BCKDHB: variants seen among roughly 807,000 people sequenced by gnomAD.
The protein encoded by BCKDHB is 2-oxoisovalerate dehydrogenase subunit beta, mitochondrial.
BCKDHB carries 41 observed loss-of-function variants against 48.5 expected under a neutral mutation model. The ratio of observed to expected loss-of-function variants is 0.85; its 90% CI spans 0.66 to 1.10. The LOEUF (loss-of-function observed/expected upper bound fraction) is 1.10, where lower values mean the gene tolerates loss of function less well. Ranked by LOEUF, BCKDHB falls within the 50% of genes least tolerant of loss-of-function variation. The pLI, the probability that BCKDHB is intolerant of heterozygous loss-of-function variation, is 0.00. For synonymous variants in BCKDHB, 201 were observed against 174.8 expected (o/e 1.15, Z -1.18); for missense variants, 496 against 494.2 (o/e 1.00, Z -0.03).
At chr6:80,107,558 CATATAT>C (rs71727964) in intron 1 of BCKDHB, among the ~76,000 whole-genome samples, 4 of 137,288 alleles carry the variant, frequency 2.9e-5, no homozygotes, top group Admixed American at 2.8e-4. Context: ...CATATATATG[CATATAT>C]ATATGCATAT....
chr6:80,450,414 G>A, the BCKDHB span, among the ~76,000 whole-genome samples: 5 of 152,186 alleles, frequency 3.3e-5, no homozygotes, highest in South Asian at 2.1e-4. Flanking sequence ...AGACAAGATC[G>A]TGGATCCTAG....
chr6:80,137,305 T>C (rs1305024158), intron 3 of BCKDHB, among the ~76,000 whole-genome samples: 1 of 152,224 alleles, frequency 6.6e-6, no homozygotes, highest in Non-Finnish European at 1.5e-5. Context: ...TTTATAACAC[T>C]GACCTCTCAG....
At chr6:80,419,720 T>C in the BCKDHB span, among the ~76,000 whole-genome samples, 1 of 152,154 alleles carries the variant, frequency 6.6e-6, no homozygotes, top group Non-Finnish European at 1.5e-5. Context: ...ATAGGATTGC[T>C]CCTTACCAGT....
the BCKDHB span, among the ~76,000 whole-genome samples, chr6:80,365,914 A>G: frequency 2.6e-5 from 4 of 152,314 alleles, no homozygotes; most frequent in African/African-American, 9.6e-5. Context: ...TTAGTCCTGA[A>G]TAGGAGGCTA....
chr6:80,231,835 C>T (rs1329296019), intron 8 of BCKDHB, among the ~76,000 whole-genome samples: 5 of 152,054 alleles, frequency 3.3e-5, no homozygotes, highest in African/African-American at 4.8e-5. Flanking sequence ...CCTGGTGGCA[C>T]GCACCTGTAG....
At chr6:80,360,349 C>T in the BCKDHB span, among the ~76,000 whole-genome samples, 2 of 152,152 alleles carry the variant, frequency 1.3e-5, no homozygotes, top group African/African-American at 2.4e-5. Context: ...TGTCATTATT[C>T]GTTGACATCA....
chr6:80,174,785 G>A (rs1159736541), intron 6 of BCKDHB, among the ~76,000 whole-genome samples: 1 of 152,138 alleles, frequency 6.6e-6, no homozygotes, highest in Non-Finnish European at 1.5e-5. Flanking sequence ...CTCACTTTAG[G>A]TAGAGACTTT....
intron 8 of BCKDHB, among the ~76,000 whole-genome samples, chr6:80,215,736 TTA>T (rs1489394391): frequency 1.3e-5 from 2 of 152,084 alleles, no homozygotes; most frequent in Admixed American, 6.5e-5. Flanking sequence ...TGACCTAATG[TTA>T]TATATATATA....
At chr6:80,205,461 G>A (rs964532239) in intron 8 of BCKDHB, among the ~76,000 whole-genome samples, 1 of 151,950 alleles carries the variant, frequency 6.6e-6, no homozygotes, top group Non-Finnish European at 1.5e-5. Flanking sequence ...AAAACGATTC[G>A]TTGAACACAC....
At chr6:80,370,439 G>T in the BCKDHB span, among the ~76,000 whole-genome samples, 1 of 152,052 alleles carries the variant, frequency 6.6e-6, no homozygotes, top group Non-Finnish European at 1.5e-5. Flanking sequence ...GGAACAGGTG[G>T]TCTTTTGTTA....
chr6:80,127,743 G>A (rs1395545046), intron 2 of BCKDHB, 119 bp downstream of exon 2: 12 of 940,798 alleles, frequency 1.3e-5, no homozygotes, highest in Non-Finnish European at 8.8e-6. Flanking sequence ...ATTTTCAAAG[G>A]TATGATTGGG....
chr6:80,270,598 A>G (rs1367445058), intron 8 of BCKDHB, among the ~76,000 whole-genome samples: 2 of 152,180 alleles, frequency 1.3e-5, no homozygotes, highest in African/African-American at 4.8e-5. Flanking sequence ...CTGTCAGCCT[A>G]ACTCCTCATC....
chr6:80,141,633 T>C (rs1326371087), intron 3 of BCKDHB, among the ~76,000 whole-genome samples: 1 of 152,112 alleles, frequency 6.6e-6, no homozygotes, highest in Non-Finnish European at 1.5e-5. Flanking sequence ...CAATAGGGGC[T>C]TGGAAGATAG....
intron 9 of BCKDHB, among the ~76,000 whole-genome samples, chr6:80,315,239 A>C (rs986841710): frequency 6.6e-6 from 1 of 152,092 alleles, no homozygotes; most frequent in Non-Finnish European, 1.5e-5. Context: ...CGCTCTGTTG[A>C]GACTCCACAG....
downstream of BCKDHB, among the ~76,000 whole-genome samples, chr6:80,348,733 GC>G (rs909248600): frequency 6.6e-6 from 1 of 152,274 alleles, no homozygotes; most frequent in African/African-American, 2.4e-5. Context: ...GAAATCTTTG[GC>G]CTGATGGATG....
At chr6:80,316,499 T>C (rs1768451869) in intron 9 of BCKDHB, among the ~76,000 whole-genome samples, 1 of 152,212 alleles carries the variant, frequency 6.6e-6, no homozygotes, top group South Asian at 2.1e-4. Context: ...GTTCATATCA[T>C]ATGACTATTT....
chr6:80,313,198 T>C (rs981460242), intron 9 of BCKDHB, among the ~76,000 whole-genome samples: 17 of 152,230 alleles, frequency 1.1e-4, no homozygotes, highest in African/African-American at 3.9e-4. Context: ...CTTCTGTATT[T>C]TCTAGTTAAC....
chr6:80,241,560 T>C (rs1243393199), intron 8 of BCKDHB, among the ~76,000 whole-genome samples: 1 of 152,194 alleles, frequency 6.6e-6, no homozygotes, highest in Non-Finnish European at 1.5e-5. Flanking sequence ...CCAGACCCTG[T>C]TTGCCTGGGC....
intron 8 of BCKDHB, among the ~76,000 whole-genome samples, chr6:80,210,583 T>A (rs1053030120): frequency 6.6e-6 from 1 of 152,064 alleles, no homozygotes; most frequent in African/African-American, 2.4e-5. Flanking sequence ...TTGAACAAAA[T>A]TTTTAAAAAA....
Sources: allele counts gnomAD v4.1 joint callset (sites outside exome capture counted in the v4.1 genomes callset), GRCh38; gene constraint gnomAD v4.1.1; transcripts MANE v1.5; gene names NCBI Gene and HGNC (gene_info 2026-07-23, HGNC 2026-07-21).